The following OR5AS1 variants were observed in gnomAD, a reference collection of about 807,000 sequenced individuals.
OR5AS1 encodes the protein olfactory receptor 5AS1.
For missense variants in OR5AS1, 492 were observed against 378.2 expected (o/e 1.30, Z -2.50); for synonymous variants, 196 against 141.7 (o/e 1.38, Z -2.72).
Position 56,031,167 on chromosome 11 carries a change from T to C in OR5AS1, c.749T>C (p.Leu250Ser), listed in dbSNP as rs1327907248. 4 of 1,614,088 alleles carry C rather than the reference T, an allele frequency of 2.5e-6. No individual in the cohort carries two copies. In the South Asian group the frequency reaches 3.3e-5, roughly 13 times the overall value. Residue 250 changes from leucine to serine, a missense_variant, in exon 2 of 2, where the codon TTA becomes TCA. By Grantham distance (145) the Leu-to-Ser change is moderately radical. Coordinates refer to ENST00000641320, the MANE Select transcript of OR5AS1 (RefSeq NM_001001921.2). ...GCTTCCCACCTCATAGCAGTCACCT[T>C]ATTCTATGGAGCGCTCCTGTTTATG... ...TCASHLIAVT[L>S]FYGALLFMYL...
chr11:56,029,928 C>T (rs1001255701), intron 1 of OR5AS1, among the ~76,000 whole-genome samples: 7 of 152,062 alleles, frequency 4.6e-5, no homozygotes, highest in Non-Finnish European at 8.8e-5. Flanking sequence ...CTCCCAACAT[C>T]ACAGATATTC....
At chr11:56,028,948 G>T (rs574817994) in intron 1 of OR5AS1, among the ~76,000 whole-genome samples, 1 of 152,058 alleles carries the variant, frequency 6.6e-6, no homozygotes, top group Non-Finnish European at 1.5e-5. Context: ...ATTATATAAA[G>T]CTTGCAAATG....
rs1227304761 is a variant in OR5AS1 at position 56,034,858 on chromosome 11, G to T, written c.*3465G>T. 6.6e-6 allele frequency: 1 copy of T among 152,078 alleles called. No homozygotes were observed. Among genetic ancestry groups the T allele is most frequent in the Non-Finnish European group, 1.5e-5 (1 of 68,048 alleles). The allele number at this position is 152,078 out of a possible 1,614,324, so 9.4% of individuals were successfully genotyped here. On this transcript the variant is annotated 3_prime_UTR_variant, in exon 2 of 2. Coordinates refer to ENST00000641320, the MANE Select transcript of OR5AS1 (RefSeq NM_001001921.2). Reference sequence around the variant, plus strand: ...AAGGAAAAAATGTTAAGGTGTTAAGGACAGCCAGAGAGAAAGCTCACATTA... The same window carrying T: ...AAGGAAAAAATGTTAAGGTGTTAAGTACAGCCAGAGAGAAAGCTCACATTA...
rs1348325146 is a variant in OR5AS1 at position 56,033,934 on chromosome 11, G to A, written c.*2541G>A. 6.6e-6 allele frequency: 1 copy of A among 152,252 alleles called. No individual in the cohort carries two copies. Among genetic ancestry groups the A allele is most frequent in the Non-Finnish European group, 1.5e-5 (1 of 68,186 alleles). 9.4% of individuals were successfully genotyped at this position (152,252 alleles called of 1,614,324 possible). ...ATGAAGCTTCCAAAGGAAGGAACGG[G>A]CAGCAATCTTTACTGTTCTGCAGCC... On this transcript the variant is annotated 3_prime_UTR_variant, in exon 2 of 2. Coordinates refer to ENST00000641320, the MANE Select transcript of OR5AS1 (RefSeq NM_001001921.2).
Position 56,033,667 on chromosome 11 carries a change from G to A in OR5AS1, c.*2274G>A, listed in dbSNP as rs565120086. 1 of 152,312 alleles carries A rather than the reference G, an allele frequency of 6.6e-6. No individual in the cohort carries two copies. The highest frequency in any genetic ancestry group is 1.9e-4 in the East Asian group (1 of 5,178). 9.4% of individuals were successfully genotyped at this position (152,312 alleles called of 1,614,324 possible). On this transcript the variant is annotated 3_prime_UTR_variant, in exon 2 of 2. Transcript: ENST00000641320. ...AAAACCCCCATCCCCCTGAGACAGA[G>A]CACCTTAAGGAAGGGATGGCTGTGG... is the stretch of plus-strand genomic sequence containing the variant.
rs1212178526 is a variant in OR5AS1 at position 56,037,386 on chromosome 11, C to T, written c.*5993C>T. 1 of 152,034 alleles carries T rather than the reference C, an allele frequency of 6.6e-6. No individual in the cohort carries two copies. Among genetic ancestry groups the T allele is most frequent in the Non-Finnish European group, 1.5e-5 (1 of 68,028 alleles). 9.4% of individuals were successfully genotyped at this position (152,034 alleles called of 1,614,324 possible). A position where few individuals can be genotyped will look rare whatever the true frequency, so the allele number is the denominator to read the frequency against. On this transcript the variant is annotated 3_prime_UTR_variant, in exon 2 of 2. Coordinates refer to ENST00000641320, the MANE Select transcript of OR5AS1 (RefSeq NM_001001921.2). ...ACCCCATCGTCTCAGGCCAAAATCTCCTTAAGCTGATAAGCAACTTCAGCA... is the reference window on the plus strand; with the variant it reads ...ACCCCATCGTCTCAGGCCAAAATCTTCTTAAGCTGATAAGCAACTTCAGCA...
rs1853394363 is a variant in OR5AS1, at chr11:56,035,425, C to G, written c.*4032C>G. The G allele has an allele frequency of 6.6e-6, 1 of 151,202 alleles. No individual in the cohort carries two copies. The highest frequency in any genetic ancestry group is 6.6e-5 in the Admixed American group (1 of 15,170). The allele number at this position is 151,202 out of a possible 1,614,324, so 9.4% of individuals were successfully genotyped here. ...AAATAACGGGATGGAGGAATATTTA[C>G]CAAGCAAATGGATAGCAAATAAAGA... On this transcript the variant is annotated 3_prime_UTR_variant, in exon 2 of 2. Coordinates refer to ENST00000641320, the MANE Select transcript of OR5AS1 (RefSeq NM_001001921.2).
rs955161026 is a variant in OR5AS1, at chr11:56,035,429, G to T, written c.*4036G>T. On this transcript the variant is annotated 3_prime_UTR_variant, in exon 2 of 2. Transcript: ENST00000641320. ...AACGGGATGGAGGAATATTTACCAA[G>T]CAAATGGATAGCAAATAAAGAAAAA... The T allele has an allele frequency of 2.7e-5, 4 of 150,934 alleles. No individual in the cohort carries two copies. The highest frequency in any genetic ancestry group is 7.3e-5 in the African/African-American group (3 of 40,982). 9.3% of individuals were successfully genotyped at this position (150,934 alleles called of 1,614,324 possible).
rs560712807 is a variant in OR5AS1, at chr11:56,036,386, C to T, written c.*4993C>T. On this transcript the variant is annotated 3_prime_UTR_variant, in exon 2 of 2. Transcript: ENST00000641320. ...TCAACAAAATAGAAAGAACACTAGC[C>T]AGACTAATAAAGAAGAAAAGAGAGA... 2 of 151,882 alleles carry T rather than the reference C, an allele frequency of 1.3e-5. No homozygotes were observed. The highest frequency in any genetic ancestry group is 4.2e-4 in the South Asian group (2 of 4,816). 9.4% of individuals were successfully genotyped at this position (151,882 alleles called of 1,614,324 possible). A position where few individuals can be genotyped will look rare whatever the true frequency, so the allele number is the denominator to read the frequency against.
chr11:56,027,751 G>A (rs1225619350), intron 1 of OR5AS1, 39 bp downstream of exon 1: 3 of 151,930 alleles, frequency 2.0e-5, no homozygotes, highest in Admixed American at 2.0e-4. Flanking sequence ...CAAAATGTTT[G>A]TTGTGAATGT....
Position 56,030,500 on chromosome 11 carries a change from T to C in OR5AS1, c.82T>C (p.Phe28Leu). Residue 28 changes from phenylalanine to leucine, a missense_variant, in exon 2 of 2, where the codon TTC (phenylalanine) becomes CTC (leucine). By Grantham distance (22) the Phe-to-Leu change is conservative. Transcript: ENST00000641320. ...TTATCTACCTCTCAGAGTCACACTGTTCTTGGTATTCCTTCTGGTATATAC... is the reference window on the plus strand; with the variant it reads ...TTATCTACCTCTCAGAGTCACACTGCTCTTGGTATTCCTTCTGGTATATAC... ...TDYLPLRVTLFLVFLLVYTLT... is the reference protein window; with the variant it reads ...TDYLPLRVTLLLVFLLVYTLT... 1 of 1,537,790 alleles carries C rather than the reference T, an allele frequency of 6.5e-7. No individual in the cohort carries two copies. Among genetic ancestry groups the C allele is most frequent in the Admixed American group, 2.1e-5 (1 of 48,166 alleles).
In OR5AS1 at chr11:56,033,596, G is replaced by A. The variant is rs755694759; in HGVS notation, c.*2203G>A. The A allele has an allele frequency of 6.6e-6, 1 of 152,346 alleles. No individual in the cohort carries two copies. Among genetic ancestry groups the A allele is most frequent in the Non-Finnish European group, 1.5e-5 (1 of 68,242 alleles). 9.4% of individuals were successfully genotyped at this position (152,346 alleles called of 1,614,324 possible). A position where few individuals can be genotyped will look rare whatever the true frequency, so the allele number is the denominator to read the frequency against. Reference sequence around the variant, plus strand: ...TCTAGATTCCTCCTCTCTGGGCAGGGGATCTCTAAAAAAAAGGCAGCAGCC... The same window carrying A: ...TCTAGATTCCTCCTCTCTGGGCAGGAGATCTCTAAAAAAAAGGCAGCAGCC... On this transcript the variant is annotated 3_prime_UTR_variant, in exon 2 of 2. Coordinates refer to ENST00000641320, the MANE Select transcript of OR5AS1 (RefSeq NM_001001921.2).
At chr11:56,029,744 C>T (rs1414686724) in intron 1 of OR5AS1, among the ~76,000 whole-genome samples, 5 of 151,976 alleles carry the variant, frequency 3.3e-5, no homozygotes, top group African/African-American at 4.8e-5. Context: ...TGTGTAGTCA[C>T]ATAAGTGATG....
At position 56,036,478 on chromosome 11, in the gene OR5AS1, C is replaced by T. The variant is rs571448604; in HGVS notation, c.*5085C>T. ...ACCACTGTTCCCACAGAAATACAAA[C>T]TACCATCAGAGAATACTATAAACAC... On this transcript the variant is annotated 3_prime_UTR_variant, in exon 2 of 2. Coordinates refer to ENST00000641320, the MANE Select transcript of OR5AS1 (RefSeq NM_001001921.2). 1 of 152,044 alleles carries T rather than the reference C, an allele frequency of 6.6e-6. No individual in the cohort carries two copies. Among genetic ancestry groups the T allele is most frequent in the African/African-American group, 2.4e-5 (1 of 41,354 alleles). 9.4% of individuals were successfully genotyped at this position (152,044 alleles called of 1,614,324 possible). A position where few individuals can be genotyped will look rare whatever the true frequency, so the allele number is the denominator to read the frequency against.
At position 56,033,721 on chromosome 11, in the gene OR5AS1, T is replaced by C. The variant is rs1461748790; in HGVS notation, c.*2328T>C. On this transcript the variant is annotated 3_prime_UTR_variant, in exon 2 of 2. Coordinates refer to ENST00000641320, the MANE Select transcript of OR5AS1 (RefSeq NM_001001921.2). The stretch of plus-strand genomic sequence containing the variant: ...CAGCTTCAGCAGATTTAAATGTCCC[T>C]GCCTGCTGGCTCTAAGGAGAGCAGC... 6.6e-6 allele frequency: 1 copy of C among 152,292 alleles called. No individual in the cohort carries two copies. The highest frequency in any genetic ancestry group is 1.5e-5 in the Non-Finnish European group (1 of 68,166). 9.4% of individuals were successfully genotyped at this position (152,292 alleles called of 1,614,324 possible).
In OR5AS1 at chr11:56,038,124, A is replaced by G. The variant is rs1590709693; in HGVS notation, c.*6731A>G. 6.6e-6 allele frequency: 1 copy of G among 152,288 alleles called. No homozygotes were observed. Among genetic ancestry groups the G allele is most frequent in the East Asian group, 1.9e-4 (1 of 5,192 alleles). The allele number at this position is 152,288 out of a possible 1,614,324, so 9.4% of individuals were successfully genotyped here. On this transcript the variant is annotated 3_prime_UTR_variant, in exon 2 of 2. Coordinates refer to ENST00000641320, the MANE Select transcript of OR5AS1 (RefSeq NM_001001921.2). Reference sequence around the variant, plus strand: ...TATCTTATACAAAAATTAACTCAAGATGGATTAAAGACTTAAACATAAAAC... The same window carrying G: ...TATCTTATACAAAAATTAACTCAAGGTGGATTAAAGACTTAAACATAAAAC...
At chr11:56,029,654 A>G (rs1037143829) in intron 1 of OR5AS1, among the ~76,000 whole-genome samples, 1 of 151,596 alleles carries the variant, frequency 6.6e-6, no homozygotes, top group African/African-American at 2.4e-5. Context: ...GACAAAAAAA[A>G]CCCCAAAACA....
rs1341933451 is a variant in OR5AS1, at chr11:56,037,795, A to G, written c.*6402A>G. 6.6e-6 allele frequency: 1 copy of G among 152,118 alleles called. No homozygotes were observed. The highest frequency in any genetic ancestry group is 6.5e-5 in the Admixed American group (1 of 15,274). 9.4% of individuals were successfully genotyped at this position (152,118 alleles called of 1,614,324 possible). ...TTTAAATTTCATGTGGAACCAGAAAACAGCCCATGTAGCCCAGGCAATCCT... is the reference window on the plus strand; with the variant it reads ...TTTAAATTTCATGTGGAACCAGAAAGCAGCCCATGTAGCCCAGGCAATCCT... On this transcript the variant is annotated 3_prime_UTR_variant, in exon 2 of 2. Coordinates refer to ENST00000641320, the MANE Select transcript of OR5AS1 (RefSeq NM_001001921.2).
Position 56,036,289 on chromosome 11 carries a change from A to G in OR5AS1, c.*4896A>G, listed in dbSNP as rs1565028132. On this transcript the variant is annotated 3_prime_UTR_variant, in exon 2 of 2. Transcript: ENST00000641320. ...CAAGAAATAACTAAGATCAGAGCAGAACTGAAGGAGATAGAGACATGAAAA... is the reference window on the plus strand; with the variant it reads ...CAAGAAATAACTAAGATCAGAGCAGGACTGAAGGAGATAGAGACATGAAAA... The G allele has an allele frequency of 6.6e-6, 1 of 152,136 alleles. No individual in the cohort carries two copies. Among genetic ancestry groups the G allele is most frequent in the Admixed American group, 6.5e-5 (1 of 15,276 alleles). The allele number at this position is 152,136 out of a possible 1,614,324, so 9.4% of individuals were successfully genotyped here.
Sources: allele counts gnomAD v4.1 joint callset (sites outside exome capture counted in the v4.1 genomes callset), GRCh38; gene constraint gnomAD v4.1.1; transcripts MANE v1.5; gene names NCBI Gene and HGNC (gene_info 2026-07-23, HGNC 2026-07-21).